The following TFEC variants were observed in gnomAD, a reference collection of about 807,000 sequenced individuals.
The protein encoded by TFEC is transcription factor EC.
In TFEC, 31 loss-of-function variants were observed where a neutral mutation model predicts 41.6. The observed-to-expected ratio is 0.74, with a 90% confidence interval of 0.56 to 1.01. The LOEUF is 1.01. Among genes scored for constraint, TFEC ranks in the 50% least tolerant of loss-of-function variants. The probability of loss-of-function intolerance (pLI) is 0.00; values close to 1 mark genes in which losing one functional copy is unlikely to be tolerated. For missense variants in TFEC, 402 were observed against 404.1 expected (o/e 0.99, Z 0.04); for synonymous variants, 143 against 140.6 (o/e 1.02, Z -0.12).
chr7:115,950,843 A>C, intron 6 of TFEC, 31 bp downstream of exon 6: 1 of 1,539,496 alleles, frequency 6.5e-7, no homozygotes, highest in South Asian at 1.2e-5. Flanking sequence ...TTAAATTATA[A>C]CATTATTATA....
chr7:116,142,881 C>A (rs960212515), intron 1 of TFEC, among the ~76,000 whole-genome samples: 1 of 152,088 alleles, frequency 6.6e-6, no homozygotes, highest in Non-Finnish European at 1.5e-5. Flanking sequence ...TCCTAACTAT[C>A]AATAATAAAA....
Position 115,954,602 on chromosome 7 carries a change from C to CT in TFEC, c.422dup (p.Asp142GlyfsTer7). The CT allele has an allele frequency of 3.1e-6, 5 of 1,611,376 alleles. No homozygotes were observed. Among genetic ancestry groups the CT allele is most frequent in the Non-Finnish European group, 4.2e-6 (5 of 1,178,688 alleles). ...TATACTCACTGAGGTTGTGGTTGTC[C>CT]TTTTTTTGTCTCTCTTTTGCTAAAG... is the stretch of plus-strand genomic sequence containing the variant. On this transcript the variant is annotated frameshift_variant, in exon 5 of 8. Coordinates refer to ENST00000265440, the MANE Select transcript of TFEC (RefSeq NM_012252.4). LOFTEE classifies it high-confidence loss of function.
At chr7:116,016,773 G>A (rs549989241) in intron 1 of TFEC, among the ~76,000 whole-genome samples, 38 of 151,438 alleles carry the variant, frequency 2.5e-4, no homozygotes, top group South Asian at 1.0e-3. Flanking sequence ...TCTTATATAG[G>A]ACACCCAGCT....
chr7:116,040,990 G>C (rs887047507), intron 3 of TFEC, among the ~76,000 whole-genome samples: 2 of 151,988 alleles, frequency 1.3e-5, no homozygotes, highest in Admixed American at 6.6e-5. Context: ...TTTCTGCCGG[G>C]GAAATATTAA....
At chr7:116,110,547 T>C (rs1011667346) in intron 3 of TFEC, among the ~76,000 whole-genome samples, 2 of 152,150 alleles carry the variant, frequency 1.3e-5, no homozygotes, top group African/African-American at 4.8e-5. Flanking sequence ...GGTCAGTTAA[T>C]GTAAATTGTA....
At position 115,972,242 on chromosome 7, in the gene TFEC, C is replaced by G. The variant is rs545133545; in HGVS notation, c.267+1928G>C. On this transcript the variant is annotated intron_variant, in intron 3 of 7. Transcript: ENST00000265440. ...TCTAAAGGACTTCCAAAAATTCTCA[C>G]TTTCTCATGGTTTCTCCTTCATTTG... Among the ~76,000 whole-genome samples, 4 of 152,176 alleles carry G rather than the reference C, an allele frequency of 2.6e-5. No individual in the cohort carries two copies. In the South Asian group the frequency reaches 8.3e-4, roughly 32 times the overall value.
intron 3 of TFEC, among the ~76,000 whole-genome samples, chr7:116,040,818 T>A (rs889104940): frequency 2.0e-5 from 3 of 152,166 alleles, no homozygotes; most frequent in African/African-American, 7.2e-5. Flanking sequence ...ACTCCATGCA[T>A]GGCCTCTGCA....
chr7:116,123,923 A>G (rs781175222), intron 1 of TFEC, among the ~76,000 whole-genome samples: 23 of 152,298 alleles, frequency 1.5e-4, no homozygotes, highest in Admixed American at 8.5e-4. Context: ...GATATTAAAC[A>G]TAACACAAGA....
upstream of TFEC, among the ~76,000 whole-genome samples, chr7:116,034,687 TACACACACACACACAC>T (rs58308740): frequency 1.3e-3 from 187 of 148,368 alleles, 2 homozygotes; most frequent in Admixed American, 0.012. Flanking sequence ...CAGGCATGCA[TACACACACACACACAC>T]ACACACACAC....
intron 5 of TFEC, among the ~76,000 whole-genome samples, chr7:115,952,873 A>T (rs150148755): frequency 4.0e-4 from 61 of 152,098 alleles, no homozygotes; most frequent in Admixed American, 5.2e-4. Flanking sequence ...GCCTCTCTCC[A>T]CTCAGCAAGG....
chr7:116,094,143 G>T (rs772097927), intron 3 of TFEC, among the ~76,000 whole-genome samples: 10 of 152,128 alleles, frequency 6.6e-5, no homozygotes, highest in Non-Finnish European at 1.0e-4. Flanking sequence ...AGGGAGAAAA[G>T]GACATAAATA....
intron 3 of TFEC, among the ~76,000 whole-genome samples, chr7:116,079,018 G>C (rs936733417): frequency 2.6e-5 from 4 of 152,096 alleles, no homozygotes; most frequent in African/African-American, 9.7e-5. Flanking sequence ...TGCAGGGATA[G>C]TTTAACATAT....
Position 115,937,354 on chromosome 7 carries a change from C to A in TFEC, c.*3197G>T, listed in dbSNP as rs1414426472. ...ACAGCATTGTTTGATAAACATATGCCTCTTTTACTATTATGAAAAATCTCA... is the reference window on the plus strand; with the variant it reads ...ACAGCATTGTTTGATAAACATATGCATCTTTTACTATTATGAAAAATCTCA... On this transcript the variant is annotated 3_prime_UTR_variant, in exon 8 of 8. Coordinates refer to ENST00000265440, the MANE Select transcript of TFEC (RefSeq NM_012252.4). The A allele has an allele frequency of 6.6e-6, 1 of 151,504 alleles. No individual in the cohort carries two copies. The highest frequency in any genetic ancestry group is 2.4e-5 in the African/African-American group (1 of 41,332). 9.4% of individuals were successfully genotyped at this position (151,504 alleles called of 1,614,324 possible). A position where few individuals can be genotyped will look rare whatever the true frequency, so the allele number is the denominator to read the frequency against.
At chr7:116,012,366 A>C (rs1168953373) in intron 1 of TFEC, among the ~76,000 whole-genome samples, 1 of 152,178 alleles carries the variant, frequency 6.6e-6, no homozygotes, top group African/African-American at 2.4e-5. Context: ...CAAAGCTCTC[A>C]TGTCATGCTT....
chr7:116,143,607 A>G (rs1029373386), intron 1 of TFEC, among the ~76,000 whole-genome samples: 1 of 152,188 alleles, frequency 6.6e-6, no homozygotes. Context: ...GTCTTTCCAA[A>G]CTGAGTTCTG....
intron 1 of TFEC, among the ~76,000 whole-genome samples, chr7:116,136,206 G>A (rs1415930319): frequency 6.6e-6 from 1 of 151,954 alleles, no homozygotes; most frequent in African/African-American, 2.4e-5. Context: ...ACAGTAAAAT[G>A]ACATTGGTAA....
intron 3 of TFEC, among the ~76,000 whole-genome samples, chr7:115,958,409 T>C (rs935245305): frequency 3.3e-5 from 5 of 151,840 alleles, no homozygotes; most frequent in Non-Finnish European, 7.4e-5. Context: ...GAATTGCACA[T>C]TTCCACTGTG....
At chr7:115,995,282 C>T (rs926831675) in intron 1 of TFEC, among the ~76,000 whole-genome samples, 1 of 151,574 alleles carries the variant, frequency 6.6e-6, no homozygotes, top group Non-Finnish European at 1.5e-5. Flanking sequence ...CAACATGGCA[C>T]ATGTATACAT....
chr7:116,049,279 G>A (rs1317330029), intron 3 of TFEC, among the ~76,000 whole-genome samples: 1 of 152,146 alleles, frequency 6.6e-6, no homozygotes, highest in Non-Finnish European at 1.5e-5. Context: ...TAAAGGGATG[G>A]AGGAAGATCT....
Sources: allele counts gnomAD v4.1 joint callset (sites outside exome capture counted in the v4.1 genomes callset), GRCh38; gene constraint gnomAD v4.1.1; transcripts MANE v1.5; gene names NCBI Gene and HGNC (gene_info 2026-07-23, HGNC 2026-07-21).